The following PSME3IP1 variants were observed in gnomAD, a reference collection of about 807,000 sequenced individuals.
PSME3IP1 encodes the protein proteasome activator subunit 3 interacting protein 1.
In PSME3IP1, 13 loss-of-function variants were observed where a neutral mutation model predicts 34.1. The ratio of observed to expected loss-of-function variants is 0.38; its 90% CI spans 0.25 to 0.61. The LOEUF (loss-of-function observed/expected upper bound fraction) is 0.61. Ranked by LOEUF, PSME3IP1 falls within the 20% of genes least tolerant of loss-of-function variation. The probability of loss-of-function intolerance (pLI) is 0.60; values close to 1 mark genes in which losing one functional copy is unlikely to be tolerated. For synonymous variants in PSME3IP1, 93 were observed against 114.3 expected (o/e 0.81, Z 1.19); for missense variants, 237 against 301.4 (o/e 0.79, Z 1.58).
At chr16:57,162,693 G>C (rs1002015262) in intron 6 of PSME3IP1, among the ~76,000 whole-genome samples, 4 of 150,512 alleles carry the variant, frequency 2.7e-5, no homozygotes, top group African/African-American at 9.8e-5. Flanking sequence ...AATTGTTGAC[G>C]GTCTTTCCTG....
At chr16:57,183,853 C>T (rs1465197709) in intron 1 of PSME3IP1, among the ~76,000 whole-genome samples, 1 of 152,192 alleles carries the variant, frequency 6.6e-6, no homozygotes, top group African/African-American at 2.4e-5. Context: ...CTACCTCCCT[C>T]TCCATCTTAA....
intron 6 of PSME3IP1, among the ~76,000 whole-genome samples, chr16:57,156,776 AG>A (rs2070582901): frequency 6.6e-6 from 1 of 152,248 alleles, no homozygotes; most frequent in Non-Finnish European, 1.5e-5. Flanking sequence ...AAAAAGAAAC[AG>A]ATGAATTTTA....
At chr16:57,176,391 C>T (rs1597738197) in intron 1 of PSME3IP1, among the ~76,000 whole-genome samples, 1 of 152,020 alleles carries the variant, frequency 6.6e-6, no homozygotes, top group South Asian at 2.1e-4. Context: ...TATGATAATC[C>T]ACTCGACATC....
In PSME3IP1 at chr16:57,185,809, G is replaced by C. The variant is rs1242362119; in HGVS notation, c.-16+12C>G. 7 of 985,456 alleles carry C rather than the reference G, an allele frequency of 7.1e-6. No individual in the cohort carries two copies. Among genetic ancestry groups the C allele is most frequent in the Non-Finnish European group, 8.4e-6 (7 of 829,994 alleles). 61.0% of individuals were successfully genotyped at this position (985,456 alleles called of 1,614,324 possible). On this transcript the variant is annotated intron_variant, in intron 1 of 6. Coordinates refer to ENST00000309137, the MANE Select transcript of PSME3IP1 (RefSeq NM_024946.4). ...GGTGTCGCCGCCAGGCCAGGACCGA[G>C]GCCGCACTCACCTACCGGCGCGCGG...
intron 4 of PSME3IP1, among the ~76,000 whole-genome samples, chr16:57,168,859 A>T (rs1373210470): frequency 2.0e-5 from 3 of 151,784 alleles, no homozygotes; most frequent in Non-Finnish European, 2.9e-5. Flanking sequence ...AGAATGCCAA[A>T]AAAAAATTAG....
In PSME3IP1 at chr16:57,160,912, A is replaced by G. The variant is rs146712461; in HGVS notation, c.547+3089T>C. Among the ~76,000 whole-genome samples, 576 of 152,380 alleles carry G rather than the reference A, an allele frequency of 3.8e-3. 5 individuals carry two copies. The highest frequency in any genetic ancestry group is 0.013 in the African/African-American group (552 of 41,596). ...CAGGAAACACAAGGTAGCAGGAAAC[A>G]GCATGGGGATGCAATCAGTAAAATC... On this transcript the variant is annotated intron_variant, in intron 6 of 6. Coordinates refer to ENST00000309137, the MANE Select transcript of PSME3IP1 (RefSeq NM_024946.4).
In PSME3IP1 at chr16:57,182,551, TAA is replaced by T. The variant is rs10717048; in HGVS notation, c.-16+3268_-16+3269del. Among the ~76,000 whole-genome samples, 35 of 76,736 alleles carry T rather than the reference TAA, an allele frequency of 4.6e-4. No individual in the cohort carries two copies. The South Asian group carries it at 7.0e-3, about 15-fold the overall frequency. The allele number at this position is 76,736 out of a possible 152,430, so 50.3% of individuals were successfully genotyped here. A position where few individuals can be genotyped will look rare whatever the true frequency, so the allele number is the denominator to read the frequency against. On this transcript the variant is annotated intron_variant, in intron 1 of 6. Coordinates refer to ENST00000309137, the MANE Select transcript of PSME3IP1 (RefSeq NM_024946.4). ...AACATAAGGAGATACCCATTTCCCT[TAA>T]AAAAAAAAAAAAAAAAAAAAAAACT...
chr16:57,177,591 C>T (rs1047839353), intron 1 of PSME3IP1, among the ~76,000 whole-genome samples: 1 of 151,942 alleles, frequency 6.6e-6, no homozygotes, highest in African/African-American at 2.4e-5. Flanking sequence ...TAAAGGCAAG[C>T]GTTGCAGGGG....
At chr16:57,184,264 T>C (rs1280259974) in intron 1 of PSME3IP1, among the ~76,000 whole-genome samples, 2 of 146,888 alleles carry the variant, frequency 1.4e-5, no homozygotes, top group African/African-American at 5.0e-5. Context: ...AGAGAAACAA[T>C]GGGAAGAAGC....
intron 6 of PSME3IP1, among the ~76,000 whole-genome samples, chr16:57,163,669 A>C (rs2071533503): frequency 6.6e-6 from 1 of 152,238 alleles, no homozygotes; most frequent in Middle Eastern, 3.2e-3. Flanking sequence ...GAAATCAAGA[A>C]ACCTGACATT....
chr16:57,154,029 C>T lies in PSME3IP1; in HGVS notation c.*261G>A, dbSNP rs1201864406. 2.3e-6 allele frequency: 1 copy of T among 440,748 alleles called. No homozygotes were observed. Among genetic ancestry groups the T allele is most frequent in the Non-Finnish European group, 4.1e-6 (1 of 245,682 alleles). The allele number at this position is 440,748 out of a possible 1,614,324, so 27.3% of individuals were successfully genotyped here. A position where few individuals can be genotyped will look rare whatever the true frequency, so the allele number is the denominator to read the frequency against. ...CATTTTTAGTGGAACTTCGGCTGGGCCTTGCCCTCCTCCCAATATCAGTGA... is the reference window on the plus strand; with the variant it reads ...CATTTTTAGTGGAACTTCGGCTGGGTCTTGCCCTCCTCCCAATATCAGTGA... On this transcript the variant is annotated 3_prime_UTR_variant, in exon 7 of 7. Coordinates refer to ENST00000309137, the MANE Select transcript of PSME3IP1 (RefSeq NM_024946.4). This position sits in a 1 kb window ranked among gnomAD's most constrained non-coding sequence, Gnocchi z 4.0.
chr16:57,181,246 T>C (rs1219109154), intron 1 of PSME3IP1, among the ~76,000 whole-genome samples: 1 of 152,178 alleles, frequency 6.6e-6, no homozygotes, highest in Non-Finnish European at 1.5e-5. Context: ...TCACTATGCA[T>C]GAATGATTGT....
At chr16:57,182,816 A>G (rs1419272648) in intron 1 of PSME3IP1, among the ~76,000 whole-genome samples, 1 of 152,152 alleles carries the variant, frequency 6.6e-6, no homozygotes, top group Non-Finnish European at 1.5e-5. Flanking sequence ...AGGCTGAGGA[A>G]GGAGAGTTGC....
chr16:57,154,509 T>C lies in PSME3IP1; in HGVS notation c.548-2A>G. The C allele has an allele frequency of 6.3e-7, 1 of 1,599,496 alleles. No individual in the cohort carries two copies. The highest frequency in any genetic ancestry group is 8.5e-7 in the Non-Finnish European group (1 of 1,171,738). On this transcript the variant is annotated splice_acceptor_variant, in intron 6 of 6. Transcript: ENST00000309137. LOFTEE classifies it high-confidence loss of function. This position sits in a 1 kb window ranked among gnomAD's most constrained non-coding sequence, Gnocchi z 4.0. ...CGAGAGACTTGCAGGATGAGGGCTCTGCAATAAAAGGGGAAAGACTGTCAC... is the reference window on the plus strand; with the variant it reads ...CGAGAGACTTGCAGGATGAGGGCTCCGCAATAAAAGGGGAAAGACTGTCAC...
intron 6 of PSME3IP1, 40 bp downstream of exon 6, chr16:57,163,961 G>A (rs369284836): frequency 7.1e-5 from 111 of 1,573,230 alleles, no homozygotes; most frequent in Non-Finnish European, 9.3e-5. Context: ...TGGTTCATGT[G>A]TATTCTGAGT....
At chr16:57,185,744 C>G in intron 1 of PSME3IP1, 77 bp downstream of exon 1, 1 of 985,454 alleles carries the variant, frequency 1.0e-6, no homozygotes, top group Non-Finnish European at 1.2e-6. Flanking sequence ...ACCCTAACAG[C>G]AGCCGCAGCT....
rs1163860202 is a variant in PSME3IP1 at position 57,152,560 on chromosome 16, G to A, written c.*1730C>T. On this transcript the variant is annotated 3_prime_UTR_variant, in exon 7 of 7. Coordinates refer to ENST00000309137, the MANE Select transcript of PSME3IP1 (RefSeq NM_024946.4). ...ACTTCTTTCCACATCAAGAGGCCATGAGATACAGTAATGGCCTCTTAAGAG... is the reference window on the plus strand; with the variant it reads ...ACTTCTTTCCACATCAAGAGGCCATAAGATACAGTAATGGCCTCTTAAGAG... 6.6e-6 allele frequency: 1 copy of A among 152,598 alleles called. No homozygotes were observed. Among genetic ancestry groups the A allele is most frequent in the Non-Finnish European group, 1.5e-5 (1 of 68,050 alleles). The allele number at this position is 152,598 out of a possible 1,614,324, so 9.5% of individuals were successfully genotyped here.
chr16:57,161,509 ATTTTTT>A (rs35833252), intron 6 of PSME3IP1, among the ~76,000 whole-genome samples: 1 of 93,696 alleles, frequency 1.1e-5, no homozygotes, highest in African/African-American at 4.1e-5. Flanking sequence ...TAAGATCATA[ATTTTTT>A]TTTTTTTTTT....
chr16:57,184,149 T>C (rs1346183396), intron 1 of PSME3IP1, among the ~76,000 whole-genome samples: 1 of 151,228 alleles, frequency 6.6e-6, no homozygotes, highest in African/African-American at 2.4e-5. Flanking sequence ...TTAATAACAA[T>C]GGAAATAACT....
Sources: gnomAD v4.1 joint callset for allele counts (sites outside exome capture counted in the v4.1 genomes callset) on GRCh38, gnomAD v4.1.1 for gene constraint, Gnocchi (gnomAD v3.1) non-coding constraint, MANE v1.5 for transcripts, NCBI Gene and HGNC (gene_info 2026-07-23, HGNC 2026-07-21) for gene names.